The following WWC1 variants were observed in gnomAD, a reference collection of about 807,000 sequenced individuals.
The protein encoded by WWC1 is WW and C2 domain containing 1.
WWC1 carries 55 observed loss-of-function variants against 138.4 expected under a neutral mutation model. That is an observed-to-expected ratio of 0.40 (90% CI 0.32 to 0.50). The LOEUF (loss-of-function observed/expected upper bound fraction) is 0.50. Ranked by LOEUF, WWC1 falls within the 20% of genes least tolerant of loss-of-function variation. The pLI is 0.72. For synonymous variants in WWC1, 524 were observed against 564.9 expected (o/e 0.93, Z 1.03); for missense variants, 1,226 against 1,420.4 (o/e 0.86, Z 2.20).
At chr5:168,418,795 C>T (rs777644263) in intron 9 of WWC1, among the ~76,000 whole-genome samples, 5 of 152,118 alleles carry the variant, frequency 3.3e-5, no homozygotes, top group Non-Finnish European at 5.9e-5. Flanking sequence ...TCAACTGTTC[C>T]TGAGCTTTCC....
chr5:168,396,669 C>T (rs62384077), intron 3 of WWC1, among the ~76,000 whole-genome samples: 22,958 of 152,126 alleles, frequency 0.15, 1,890 homozygotes, highest in African/African-American at 0.18. Context: ...CAGAGCTTGT[C>T]GCCAGTTTGT....
At chr5:168,460,836 A>G in intron 20 of WWC1, 94 bp downstream of exon 20, 2 of 1,300,496 alleles carry the variant, frequency 1.5e-6, no homozygotes, top group South Asian at 1.3e-5. Context: ...ATGTCTGGCC[A>G]TTTCTCCTCA....
chr5:168,365,274 G>A (rs1009713090), intron 1 of WWC1, among the ~76,000 whole-genome samples: 2 of 152,130 alleles, frequency 1.3e-5, no homozygotes, highest in Admixed American at 6.5e-5. Context: ...GGAGAGGTTC[G>A]GCTGAAAGTT....
chr5:168,458,273 A>G (rs1462673833), intron 19 of WWC1, among the ~76,000 whole-genome samples: 3 of 152,310 alleles, frequency 2.0e-5, no homozygotes, highest in South Asian at 4.1e-4. Flanking sequence ...AACTCAAAGC[A>G]CTGTGCTCTA....
chr5:168,393,634 T>C (rs1489558954), intron 3 of WWC1, among the ~76,000 whole-genome samples: 1 of 152,190 alleles, frequency 6.6e-6, no homozygotes, highest in Non-Finnish European at 1.5e-5. Flanking sequence ...GATGATGTTC[T>C]ACCAAAATGA....
chr5:168,466,808 C>T (rs911919670), intron 21 of WWC1, among the ~76,000 whole-genome samples: 10 of 151,968 alleles, frequency 6.6e-5, no homozygotes, highest in African/African-American at 2.4e-4. Flanking sequence ...GATCAGAAAA[C>T]AAGTGCCTAT....
rs1241274675 is a variant in WWC1 at position 168,373,680 on chromosome 5, T to C, written c.229+2147T>C. Among the ~76,000 whole-genome samples the C allele has an allele frequency of 3.9e-5, 5 of 127,988 alleles. No homozygotes were observed. In the Admixed American group the frequency reaches 4.6e-4, roughly 12 times the overall value. The allele number at this position is 127,988 out of a possible 152,430, so 84.0% of individuals were successfully genotyped here. On this transcript the variant is annotated intron_variant, in intron 2 of 22. Transcript: ENST00000265293. The stretch of plus-strand genomic sequence containing the variant: ...AGGAAGATCATTTGAACCCAGGAGT[T>C]CAAGGCTAGTCTGGGCAACATAGCA...
intron 1 of WWC1, among the ~76,000 whole-genome samples, chr5:168,321,534 CTTT>C (rs575822782): frequency 2.9e-5 from 4 of 137,744 alleles, no homozygotes; most frequent in Admixed American, 7.4e-5. Flanking sequence ...GGGCAATATC[CTTT>C]TTTTTTTTTT....
At chr5:168,388,304 C>G (rs1191723753) in intron 3 of WWC1, among the ~76,000 whole-genome samples, 1 of 151,018 alleles carries the variant, frequency 6.6e-6, no homozygotes, top group East Asian at 1.9e-4. Context: ...TTTTTTAAAG[C>G]CTAAAGAGGC....
chr5:168,374,062 AAAGAG>A (rs1372516818), intron 2 of WWC1, among the ~76,000 whole-genome samples: 2 of 148,762 alleles, frequency 1.3e-5, no homozygotes, highest in Non-Finnish European at 3.0e-5. Context: ...AAAAAAAAAA[AAAGAG>A]AGAGAGGTAT....
At chr5:168,413,750 C>T (rs565472104) in intron 8 of WWC1, among the ~76,000 whole-genome samples, 1 of 152,156 alleles carries the variant, frequency 6.6e-6, no homozygotes, top group Non-Finnish European at 1.5e-5. Context: ...TAGTTGTAGT[C>T]TTAGTGGTCC....
At chr5:168,323,935 C>T (rs185955040) in intron 1 of WWC1, among the ~76,000 whole-genome samples, 137 of 152,244 alleles carry the variant, frequency 9.0e-4, no homozygotes, top group South Asian at 3.7e-3. Context: ...AAGAATACTG[C>T]GGACTTCTCA....
chr5:168,423,170 A>AAAAAAT lies in WWC1; in HGVS notation c.1275-361_1275-360insAAATAA, dbSNP rs1781253241. On this transcript the variant is annotated intron_variant, in intron 10 of 22. Transcript: ENST00000265293. ...CCCCCAAAAAAAAAAAAAAAAAAAAAAACACAGTGAGTTGATTTCAAGAAA... is the reference window on the plus strand; with the variant it reads ...CCCCCAAAAAAAAAAAAAAAAAAAAAAAAAATAACACAGTGAGTTGATTTCAAGAAA... Among the ~76,000 whole-genome samples, 5 of 151,346 alleles carry AAAAAAT rather than the reference A, an allele frequency of 3.3e-5. No homozygotes were observed. In the South Asian group the frequency reaches 1.0e-3, roughly 32 times the overall value.
chr5:168,311,212 G>A (rs10073474), intron 1 of WWC1, among the ~76,000 whole-genome samples: 113,889 of 151,932 alleles, frequency 0.75, 42,884 homozygotes, highest in African/African-American at 0.79. Flanking sequence ...CTGCTCCATG[G>A]GACATCTGTC....
chr5:168,357,234 C>G (rs1049186502), intron 1 of WWC1, among the ~76,000 whole-genome samples: 13 of 151,900 alleles, frequency 8.6e-5, no homozygotes, highest in Non-Finnish European at 1.6e-4. Flanking sequence ...GGTGCCCACT[C>G]ATAAGATGCT....
At chr5:168,386,377 C>CTTTTT (rs59691686) in intron 3 of WWC1, among the ~76,000 whole-genome samples, 1 of 143,932 alleles carries the variant, frequency 6.9e-6, no homozygotes. Context: ...TCCCCTTGTT[C>CTTTTT]TTTTTTTTTT....
chr5:168,385,716 T>C (rs992453103), intron 3 of WWC1, among the ~76,000 whole-genome samples: 1 of 152,176 alleles, frequency 6.6e-6, no homozygotes, highest in Non-Finnish European at 1.5e-5. Context: ...AGTTAACGAG[T>C]ACAGAGTTTC....
chr5:168,412,824 T>G (rs1457916006), intron 8 of WWC1, among the ~76,000 whole-genome samples: 1 of 152,166 alleles, frequency 6.6e-6, no homozygotes, highest in Non-Finnish European at 1.5e-5. Flanking sequence ...TAGAGATGAT[T>G]TAAAGTATAC....
chr5:168,318,761 T>C (rs182629722), intron 1 of WWC1, among the ~76,000 whole-genome samples: 111 of 152,196 alleles, frequency 7.3e-4, no homozygotes, highest in African/African-American at 2.4e-3. Context: ...GATTTCACCA[T>C]GTTGGCCAGG....
Sources: gnomAD v4.1 joint callset for allele counts (sites outside exome capture counted in the v4.1 genomes callset) on GRCh38, gnomAD v4.1.1 for gene constraint, MANE v1.5 for transcripts, NCBI Gene and HGNC (gene_info 2026-07-23, HGNC 2026-07-21) for gene names.